Variants in CLPX observed in about 807,000 individuals in gnomAD.
CLPX encodes the protein caseinolytic mitochondrial matrix peptidase chaperone subunit X.
In CLPX, 34 loss-of-function variants were observed where a neutral mutation model predicts 76.4. That is an observed-to-expected ratio of 0.45 (90% CI 0.34 to 0.59). The LOEUF (loss-of-function observed/expected upper bound fraction) is 0.59, where lower values mean the gene tolerates loss of function less well. CLPX is among the 20% of genes least tolerant of loss of function. The pLI is 0.01. For synonymous variants in CLPX, 248 were observed against 270.9 expected, an observed-to-expected ratio of 0.92 and a Z score of 0.83; for missense variants, 613 against 757.0, an observed-to-expected ratio of 0.81 and a Z score of 2.23.
chr15:65,162,765 C>T (rs1319936135), intron 5 of CLPX, 120 bp from the exon 6 acceptor site: 1 of 607,172 alleles, frequency 1.6e-6, no homozygotes, highest in African/African-American at 1.9e-5. Flanking sequence ...CATTTTTCAG[C>T]TTTTCATATA....
At chr15:65,152,615 A>C in intron 12 of CLPX, 79 bp from the exon 13 acceptor site, 1 of 548,352 alleles carries the variant, frequency 1.8e-6, no homozygotes. Context: ...CACAAATTGG[A>C]ATCCATTCAC....
intron 3 of CLPX, among the ~76,000 whole-genome samples, chr15:65,172,691 C>A (rs1274335119): frequency 1.3e-5 from 2 of 152,160 alleles, no homozygotes; most frequent in Non-Finnish European, 2.9e-5. Flanking sequence ...AGAAGACAGA[C>A]AAATGGCCAA....
At chr15:65,170,062 C>T (rs2087979121) in intron 3 of CLPX, among the ~76,000 whole-genome samples, 1 of 151,086 alleles carries the variant, frequency 6.6e-6, no homozygotes, top group South Asian at 2.1e-4. Flanking sequence ...CACCCAGCGA[C>T]TTTTTTTTTA....
intron 5 of CLPX, among the ~76,000 whole-genome samples, chr15:65,163,341 T>C (rs771088299): frequency 2.6e-5 from 4 of 152,208 alleles, no homozygotes; most frequent in African/African-American, 4.8e-5. Context: ...AGTGTCTTCA[T>C]TGAAATAAAT....
chr15:65,152,753 A>G (rs2087739088), intron 12 of CLPX, among the ~76,000 whole-genome samples: 1 of 151,138 alleles, frequency 6.6e-6, no homozygotes, highest in Non-Finnish European at 1.5e-5. Context: ...AAGCCACCAA[A>G]TCTGGCCAAT....
At position 65,164,675 on chromosome 15, in the gene CLPX, A is replaced by G. The variant is rs2087888591; in HGVS notation, c.514-487T>C. ...AAAAGCCATTATACTATCAGTATCTATGTGTTTTAGTAAATTTAATTTTTT... is the reference window on the plus strand; with the variant it reads ...AAAAGCCATTATACTATCAGTATCTGTGTGTTTTAGTAAATTTAATTTTTT... On this transcript the variant is annotated intron_variant, in intron 4 of 13. Coordinates refer to ENST00000300107, the MANE Select transcript of CLPX (RefSeq NM_006660.5). Among the ~76,000 whole-genome samples, 3 of 152,324 alleles carry G rather than the reference A, an allele frequency of 2.0e-5. No homozygotes were observed. The South Asian group carries it at 6.2e-4, about 32-fold the overall frequency.
intron 10 of CLPX, among the ~76,000 whole-genome samples, chr15:65,155,484 G>A (rs1327302829): frequency 2.6e-5 from 4 of 152,238 alleles, no homozygotes; most frequent in Middle Eastern, 3.4e-3. Flanking sequence ...CTGAGCTCAG[G>A]CAATCTGCCC....
chr15:65,179,005 G>A lies in CLPX; in HGVS notation c.287C>T (p.Ser96Phe), dbSNP rs1441228301. 1.9e-6 allele frequency: 3 copies of A among 1,612,136 alleles called. No homozygotes were observed. The East Asian group carries it at 6.7e-5, about 36-fold the overall frequency. ...GCGCAGCTGGTTTCCACCTTTCCCAGAATTCCCAGAGCCTGATTTCTTACT... is the reference window on the plus strand; with the variant it reads ...GCGCAGCTGGTTTCCACCTTTCCCAAAATTCCCAGAGCCTGATTTCTTACT... ...GSSKKSGSGN[S>F]GKGGNQLRCP... Residue 96 changes from serine to phenylalanine, a missense_variant, in exon 3 of 14, where the codon TCT becomes TTT. By Grantham distance (155) the Ser-to-Phe change is radical. Transcript: ENST00000300107.
chr15:65,181,967 C>T (rs568625122), intron 1 of CLPX, among the ~76,000 whole-genome samples: 30 of 150,796 alleles, frequency 2.0e-4, no homozygotes, highest in African/African-American at 6.3e-4. Context: ...ACTAAAAATA[C>T]AAAAAATTAG....
rs767700739 is a variant in CLPX, at chr15:65,157,731, A to G, written c.1057+15T>C. The stretch of plus-strand genomic sequence containing the variant: ...AATATTCTAAATCTGGGGACAGACC[A>G]TGCTGAAAACATACCTTGTTGTGCT... On this transcript the variant is annotated intron_variant, in intron 8 of 13. Coordinates refer to ENST00000300107, the MANE Select transcript of CLPX (RefSeq NM_006660.5). 6.2e-7 allele frequency: 1 copy of G among 1,609,618 alleles called. No homozygotes were observed. The highest frequency in any genetic ancestry group is 2.2e-5 in the East Asian group (1 of 44,720).
chr15:65,176,797 G>A (rs1250899460), intron 3 of CLPX, among the ~76,000 whole-genome samples: 2 of 151,592 alleles, frequency 1.3e-5, no homozygotes, highest in South Asian at 2.1e-4. Context: ...GTTTCACCAC[G>A]TTGGCCAGGC....
intron 3 of CLPX, among the ~76,000 whole-genome samples, chr15:65,171,658 C>G (rs2088009231): frequency 6.6e-6 from 1 of 152,260 alleles, no homozygotes; most frequent in South Asian, 2.1e-4. Flanking sequence ...TGATGAGGCA[C>G]TAGTTTACAA....
Position 65,172,837 on chromosome 15 carries a change from C to T in CLPX, c.359-6052G>A, listed in dbSNP as rs56287565. 5.0e-3 allele frequency among the ~76,000 whole-genome samples: 765 copies of T among 152,090 alleles called. 5 individuals are homozygous for T. The highest frequency in any genetic ancestry group is 0.018 in the African/African-American group (741 of 41,492). On this transcript the variant is annotated intron_variant, in intron 3 of 13. Coordinates refer to ENST00000300107, the MANE Select transcript of CLPX (RefSeq NM_006660.5). ...GGAGGATCACTTGAGCCCAAGAGTTCGGGACCAGCCTGGGCAACATAAATG... is the reference window on the plus strand; with the variant it reads ...GGAGGATCACTTGAGCCCAAGAGTTTGGGACCAGCCTGGGCAACATAAATG...
rs1423704934 is a variant in CLPX, at chr15:65,181,722, CTG to C, written c.80-1520_80-1519del. 3.3e-5 allele frequency among the ~76,000 whole-genome samples: 5 copies of C among 151,132 alleles called. No individual in the cohort carries two copies. In the Admixed American group the frequency reaches 3.3e-4, roughly 10 times the overall value. On this transcript the variant is annotated intron_variant, in intron 1 of 13. Coordinates refer to ENST00000300107, the MANE Select transcript of CLPX (RefSeq NM_006660.5). Reference sequence around the variant, plus strand: ...CGAGATTGCGCCACTGTACTCCAGCCTGTGCAACGGAGCGAGGCTCTGTCGCA... The same window carrying C: ...CGAGATTGCGCCACTGTACTCCAGCCTGCAACGGAGCGAGGCTCTGTCGCA...
At chr15:65,163,084 C>T (rs988611006) in intron 5 of CLPX, among the ~76,000 whole-genome samples, 1 of 152,082 alleles carries the variant, frequency 6.6e-6, no homozygotes, top group Non-Finnish European at 1.5e-5. Flanking sequence ...GCCTATTAAT[C>T]CCAGCACTTT....
chr15:65,153,569 G>C lies in CLPX; in HGVS notation c.1682C>G (p.Ala561Gly), dbSNP rs1157207613. ...ARLALERKTGARGLRSIMEKL... is the reference protein window; with the variant it reads ...ARLALERKTGGRGLRSIMEKL... ...CACCATTATGGACCGAAGGCCTCGT[G>C]CACCTGTTTTTCGTTCTAGTGCCAA... Residue 561 changes from alanine to glycine, a missense_variant, in exon 12 of 14, where the codon GCA becomes GGA. Ala to Gly is a moderately conservative substitution (Grantham distance 60). Transcript: ENST00000300107. 1 of 1,597,910 alleles carries C rather than the reference G, an allele frequency of 6.3e-7. No homozygotes were observed. Among genetic ancestry groups the C allele is most frequent in the East Asian group, 2.3e-5 (1 of 44,148 alleles).
intron 6 of CLPX, among the ~76,000 whole-genome samples, chr15:65,160,547 G>A (rs536626371): frequency 3.4e-5 from 5 of 149,138 alleles, no homozygotes; most frequent in Non-Finnish European, 5.9e-5. Context: ...TGATTTAGAT[G>A]TAGCTTCAGA....
At chr15:65,165,800 T>C (rs1410777694) in intron 4 of CLPX, among the ~76,000 whole-genome samples, 1 of 152,202 alleles carries the variant, frequency 6.6e-6, no homozygotes, top group Non-Finnish European at 1.5e-5. Context: ...TTGTTGACCA[T>C]ATACATTTTA....
At position 65,150,563 on chromosome 15, in the gene CLPX, A is replaced by G; in HGVS notation, c.*260T>C. On this transcript the variant is annotated 3_prime_UTR_variant, in exon 14 of 14. Coordinates refer to ENST00000300107, the MANE Select transcript of CLPX (RefSeq NM_006660.5). ...GAATTCCTAAGAATTTTGTTAAAGC[A>G]TATTTTTTTTAAAAAACTGAACCAA... The G allele has an allele frequency of 7.0e-6, 2 of 284,880 alleles. No individual in the cohort carries two copies. 17.6% of individuals were successfully genotyped at this position (284,880 alleles called of 1,614,324 possible). A position where few individuals can be genotyped will look rare whatever the true frequency, so the allele number is the denominator to read the frequency against.
Sources: gnomAD v4.1 joint callset for allele counts (sites outside exome capture counted in the v4.1 genomes callset) on GRCh38, gnomAD v4.1.1 for gene constraint, MANE v1.5 for transcripts, NCBI Gene and HGNC (gene_info 2026-07-23, HGNC 2026-07-21) for gene names.